The following DLGAP2 variants were observed in gnomAD, a reference collection of about 807,000 sequenced individuals.
DLGAP2 encodes disks large-associated protein 2.
A neutral mutation model predicts 100.3 loss-of-function variants in DLGAP2; 26 were observed. That is an observed-to-expected ratio of 0.26 (90% CI 0.19 to 0.36). The LOEUF is 0.36. Among genes scored for constraint, DLGAP2 ranks in the 10% least tolerant of loss-of-function variants. DLGAP2 has a pLI of 1.00. For missense variants in DLGAP2, 1,858 were observed against 1,453.2 expected, an observed-to-expected ratio of 1.28 and a Z score of -4.53; for synonymous variants, 886 against 630.1, an observed-to-expected ratio of 1.41 and a Z score of -6.08.
Position 1,702,744 on chromosome 8 carries a change from TTC to T in DLGAP2, c.*1340_*1341del, listed in dbSNP as rs1447678863. The stretch of plus-strand genomic sequence containing the variant: ...GCTGCAACCATTGTTCTGACACGAC[TTC>T]TGTTTCACAGTTCAGACCGGTCTTC... On this transcript the variant is annotated 3_prime_UTR_variant, in exon 15 of 15. Transcript: ENST00000637795. 3 of 152,304 alleles carry T rather than the reference TTC, an allele frequency of 2.0e-5. No homozygotes were observed. The highest frequency in any genetic ancestry group is 4.4e-5 in the Non-Finnish European group (3 of 68,040). 9.4% of individuals were successfully genotyped at this position (152,304 alleles called of 1,614,324 possible).
chr8:1,333,480 T>G (rs181912640), intron 3 of DLGAP2, among the ~76,000 whole-genome samples: 5 of 152,130 alleles, frequency 3.3e-5, no homozygotes, highest in African/African-American at 1.2e-4. Context: ...TAAATAGCGA[T>G]GTTTTGTGAG....
chr8:1,157,451 A>C (rs1351536641), intron 2 of DLGAP2, among the ~76,000 whole-genome samples: 1 of 152,124 alleles, frequency 6.6e-6, no homozygotes, highest in African/African-American at 2.4e-5. Context: ...AATGTTTTTC[A>C]TTCCCTTTCA....
intron 2 of DLGAP2, among the ~76,000 whole-genome samples, chr8:1,039,637 G>A (rs1459384902): frequency 1.2e-5 from 1 of 80,616 alleles, no homozygotes. Context: ...TGGTCAGCTC[G>A]GTGTGCGTGG....
Position 1,626,798 on chromosome 8 carries a change from G to A in DLGAP2, c.1501G>A (p.Ala501Thr). 6.2e-7 allele frequency: 1 copy of A among 1,604,110 alleles called. No homozygotes were observed. The highest frequency in any genetic ancestry group is 2.3e-5 in the East Asian group (1 of 44,406). The stretch of plus-strand genomic sequence containing the variant: ...TGTGGGACACAGCCTGGACCCCGCT[G>A]CGAACTACAACTCCCCGAAATTCCG... ...VPVGHSLDPA[A>T]NYNSPKFRSR... is the part of the protein sequence containing the mutation. Residue 501 changes from alanine (A) to threonine (T), a missense_variant, in exon 7 of 15, where the codon GCG becomes ACG. By Grantham distance (58) the Ala-to-Thr change is moderately conservative. Transcript: ENST00000637795.
In DLGAP2 at chr8:1,549,321, C is replaced by G. The variant is rs370790778; in HGVS notation, c.868C>G (p.Arg290Gly). 1.2e-5 allele frequency: 19 copies of G among 1,612,872 alleles called. No individual in the cohort carries two copies. Among genetic ancestry groups the G allele is most frequent in the Non-Finnish European group, 1.6e-5 (19 of 1,179,696 alleles). Residue 290 changes from arginine to glycine, a missense_variant, in exon 5 of 15, where the codon CGG (arginine) becomes GGG (glycine). By Grantham distance (125) the Arg-to-Gly change is moderately radical. Transcript: ENST00000637795. ...SKERKPEGKPRPGMSSWWSSD... is the reference protein window; with the variant it reads ...SKERKPEGKPGPGMSSWWSSD... Reference sequence around the variant, plus strand: ...GGAGCGCAAGCCGGAGGGCAAGCCCCGGCCCGGCATGAGCAGCTGGTGGAG... The same window carrying G: ...GGAGCGCAAGCCGGAGGGCAAGCCCGGGCCCGGCATGAGCAGCTGGTGGAG...
At chr8:1,669,291 A>G (rs1798627347) in intron 9 of DLGAP2, among the ~76,000 whole-genome samples, 1 of 152,168 alleles carries the variant, frequency 6.6e-6, no homozygotes, top group Non-Finnish European at 1.5e-5. Context: ...TACCCATGAT[A>G]TAGACGTGGC....
chr8:1,384,171 C>A (rs577297996), intron 3 of DLGAP2, among the ~76,000 whole-genome samples: 1 of 152,366 alleles, frequency 6.6e-6, no homozygotes, highest in East Asian at 1.9e-4. Flanking sequence ...GTTACTGTGA[C>A]CAAAGGATTC....
intron 2 of DLGAP2, among the ~76,000 whole-genome samples, chr8:1,017,854 A>T (rs1321996429): frequency 6.6e-6 from 1 of 152,234 alleles, no homozygotes; most frequent in Non-Finnish European, 1.5e-5. Context: ...GCTTTAGTTC[A>T]GGGCAGGCAA....
At chr8:1,628,665 G>T (rs1797568596) in intron 7 of DLGAP2, among the ~76,000 whole-genome samples, 1 of 145,834 alleles carries the variant, frequency 6.9e-6, no homozygotes, top group South Asian at 2.2e-4. Flanking sequence ...TGTGGAGCAG[G>T]AATTAAGAGC....
At chr8:809,475 G>A (rs1796328915) in intron 1 of DLGAP2, among the ~76,000 whole-genome samples, 1 of 149,356 alleles carries the variant, frequency 6.7e-6, no homozygotes, top group South Asian at 2.1e-4. Context: ...TTTTTTTGTG[G>A]CTAATTTCAT....
intron 3 of DLGAP2, among the ~76,000 whole-genome samples, chr8:1,468,311 T>C (rs1022338890): frequency 2.0e-5 from 3 of 151,410 alleles, no homozygotes; most frequent in Admixed American, 6.6e-5. Flanking sequence ...CGGTCCATTC[T>C]GAGAACCTCG....
chr8:1,356,374 A>C (rs1585294084), intron 3 of DLGAP2, among the ~76,000 whole-genome samples: 1 of 152,202 alleles, frequency 6.6e-6, no homozygotes, highest in African/African-American at 2.4e-5. Context: ...TTTAAAGCTC[A>C]TTAAGTTTAG....
intron 3 of DLGAP2, among the ~76,000 whole-genome samples, chr8:1,326,966 C>G (rs1801036732): frequency 6.6e-6 from 1 of 152,204 alleles, no homozygotes; most frequent in South Asian, 2.1e-4. Flanking sequence ...CATAAAATGT[C>G]TTGAGCAATG....
intron 2 of DLGAP2, among the ~76,000 whole-genome samples, chr8:1,230,290 A>C (rs1409440737): frequency 2.6e-5 from 4 of 152,212 alleles, no homozygotes; most frequent in African/African-American, 9.6e-5. Context: ...TAAAATACCT[A>C]GTAATACATC....
chr8:1,199,788 C>T (rs976639351), intron 2 of DLGAP2, among the ~76,000 whole-genome samples: 1 of 151,954 alleles, frequency 6.6e-6, no homozygotes, highest in African/African-American at 2.4e-5. Flanking sequence ...TGTATGGAAA[C>T]ACTTAAACGA....
At chr8:1,124,592 A>G (rs1563204186) in intron 2 of DLGAP2, among the ~76,000 whole-genome samples, 1 of 152,250 alleles carries the variant, frequency 6.6e-6, no homozygotes, top group Non-Finnish European at 1.5e-5. Context: ...TTTATAATCT[A>G]GCTGTGTTCC....
chr8:1,054,197 C>G (rs1398466164), intron 2 of DLGAP2, among the ~76,000 whole-genome samples: 2 of 150,266 alleles, frequency 1.3e-5, no homozygotes, highest in Admixed American at 6.6e-5. Context: ...TACACGCACG[C>G]ACACACAGAT....
intron 2 of DLGAP2, among the ~76,000 whole-genome samples, chr8:1,231,800 G>A (rs937081792): frequency 6.6e-6 from 1 of 152,106 alleles, no homozygotes; most frequent in Non-Finnish European, 1.5e-5. Flanking sequence ...CCTGGGGGCC[G>A]CTAGAGGAGG....
rs578093159 is a variant in DLGAP2, at chr8:1,193,034, G to A, written c.74-65817G>A. On this transcript the variant is annotated intron_variant, in intron 2 of 14. Coordinates refer to ENST00000637795, the MANE Select transcript of DLGAP2 (RefSeq NM_001346810.2). ...TTTTTATGGCTGCATAGTATTCCAT[G>A]GTGTATATGTGCCACATTTTCTTAA... is the stretch of plus-strand genomic sequence containing the variant. 1.6e-3 allele frequency among the ~76,000 whole-genome samples: 237 copies of A among 152,188 alleles called. 1 individual carries two copies. Among genetic ancestry groups the A allele is most frequent in the African/African-American group, 5.3e-3 (218 of 41,500 alleles).
Sources: allele counts gnomAD v4.1 joint callset (sites outside exome capture counted in the v4.1 genomes callset), GRCh38; gene constraint gnomAD v4.1.1; transcripts MANE v1.5; gene names NCBI Gene and HGNC (gene_info 2026-07-23, HGNC 2026-07-21).